The following PLGRKT variants were observed in gnomAD, a reference collection of about 807,000 sequenced individuals.
The protein encoded by PLGRKT is plasminogen receptor with a C-terminal lysine, also known as plasminogen receptor (KT).
A neutral mutation model predicts 18.5 loss-of-function variants in PLGRKT; 22 were observed. That is an observed-to-expected ratio of 1.19 (90% CI 0.85 to 1.70). PLGRKT has a LOEUF of 1.70. PLGRKT is among the 40% of genes most tolerant of loss of function. PLGRKT has a pLI of 0.00. For missense variants in PLGRKT, 235 were observed against 174.4 expected (o/e 1.35, Z -1.96); for synonymous variants, 72 against 52.8 (o/e 1.36, Z -1.58).
At chr9:5,411,191 C>A (rs1247688000) in intron 3 of PLGRKT, among the ~76,000 whole-genome samples, 1 of 151,946 alleles carries the variant, frequency 6.6e-6, no homozygotes, top group Non-Finnish European at 1.5e-5. Flanking sequence ...TGAGATCAGC[C>A]TGGCCAATAT....
rs2131116873 is a variant in PLGRKT, at chr9:5,394,972, G to C, written c.82-33084C>G. The stretch of plus-strand genomic sequence containing the variant: ...AGGGGCCCCCATTCTGCAAGGCTTT[G>C]CAGCAAGGCTACCCAAGCTATCTTG... On this transcript the variant is annotated intron_variant, in intron 3 of 5. Transcript: ENST00000223864. 1.3e-5 allele frequency among the ~76,000 whole-genome samples: 2 copies of C among 151,890 alleles called. 1 individual carries two copies. The highest frequency in any genetic ancestry group is 4.9e-5 in the African/African-American group (2 of 41,222).
At chr9:5,428,653 C>T (rs1818748066) in intron 3 of PLGRKT, among the ~76,000 whole-genome samples, 1 of 152,162 alleles carries the variant, frequency 6.6e-6, no homozygotes, top group African/African-American at 2.4e-5. Flanking sequence ...TACGACCACC[C>T]TTGAAGTACC....
chr9:5,406,131 C>T (rs763318817), intron 3 of PLGRKT, among the ~76,000 whole-genome samples: 21 of 152,050 alleles, frequency 1.4e-4, no homozygotes, highest in East Asian at 7.7e-4. Context: ...AGTATTGAGG[C>T]GAAATAGGAA....
chr9:5,408,127 C>A (rs1057156778), intron 3 of PLGRKT, among the ~76,000 whole-genome samples: 1 of 152,154 alleles, frequency 6.6e-6, no homozygotes, highest in Non-Finnish European at 1.5e-5. Flanking sequence ...GCTATAAAAT[C>A]ATATTATCTT....
chr9:5,369,922 AC>A (rs1476818623), intron 3 of PLGRKT, among the ~76,000 whole-genome samples: 2 of 151,834 alleles, frequency 1.3e-5, no homozygotes, highest in Non-Finnish European at 2.9e-5. Flanking sequence ...GGAACATCAC[AC>A]ACCAGGGCCT....
intron 3 of PLGRKT, among the ~76,000 whole-genome samples, chr9:5,391,306 C>G (rs1369713196): frequency 1.3e-5 from 2 of 151,888 alleles, no homozygotes; most frequent in African/African-American, 2.4e-5. Flanking sequence ...GAAAAGAAAA[C>G]AGCCAACATG....
chr9:5,396,355 G>A (rs1447898636), intron 3 of PLGRKT, among the ~76,000 whole-genome samples: 3 of 150,882 alleles, frequency 2.0e-5, no homozygotes, highest in African/African-American at 4.9e-5. Flanking sequence ...GTGTGATCTC[G>A]GCTCACTGCA....
Position 5,418,479 on chromosome 9 carries a change from C to G in PLGRKT, c.81+13418G>C, listed in dbSNP as rs913944190. 46 of 1,093,258 alleles carry G rather than the reference C, an allele frequency of 4.2e-5. No individual in the cohort carries two copies. The highest frequency in any genetic ancestry group is 4.0e-4 in the Middle Eastern group (2 of 5,024). 67.7% of individuals were successfully genotyped at this position (1,093,258 alleles called of 1,614,324 possible). A position where few individuals can be genotyped will look rare whatever the true frequency, so the allele number is the denominator to read the frequency against. The stretch of plus-strand genomic sequence containing the variant: ...CCACCAAGATGACAGTGCACACCCT[C>G]AACCACATGGAGCTTTTCACCATGC... On this transcript the variant is annotated intron_variant, in intron 3 of 5. Coordinates refer to ENST00000223864, the MANE Select transcript of PLGRKT (RefSeq NM_018465.4). The surrounding 1 kb of genome is among the most constrained non-coding windows in gnomAD (Gnocchi z 4.2).
intron 3 of PLGRKT, among the ~76,000 whole-genome samples, chr9:5,404,730 C>T (rs1455663205): frequency 1.3e-5 from 2 of 152,176 alleles, no homozygotes; most frequent in Non-Finnish European, 2.9e-5. Context: ...GACAAGGATG[C>T]CCTCTCTCAC....
At chr9:5,411,754 C>A (rs1300169466) in intron 3 of PLGRKT, among the ~76,000 whole-genome samples, 1 of 152,204 alleles carries the variant, frequency 6.6e-6, no homozygotes, top group Non-Finnish European at 1.5e-5. Flanking sequence ...TTAAATTTAA[C>A]TTAAAATTTC....
chr9:5,419,022 A>G (rs2131156859), intron 3 of PLGRKT: 1 of 505,352 alleles, frequency 2.0e-6, no homozygotes, highest in East Asian at 4.7e-5. Context: ...AAGGGGAGGG[A>G]GCTGGTCTTC....
intron 3 of PLGRKT, among the ~76,000 whole-genome samples, chr9:5,385,299 C>T (rs989389539): frequency 6.6e-6 from 1 of 151,764 alleles, no homozygotes; most frequent in Non-Finnish European, 1.5e-5. Flanking sequence ...TTCTTGTGGC[C>T]TCTCATCTGC....
chr9:5,383,958 G>A (rs1270851236), intron 3 of PLGRKT, among the ~76,000 whole-genome samples: 7 of 152,202 alleles, frequency 4.6e-5, no homozygotes, highest in African/African-American at 1.4e-4. Flanking sequence ...AGCTTCAGAT[G>A]TGCTGAATTT....
At chr9:5,430,015 T>G (rs1818789583) in intron 3 of PLGRKT, among the ~76,000 whole-genome samples, 1 of 151,934 alleles carries the variant, frequency 6.6e-6, no homozygotes, top group East Asian at 1.9e-4. Context: ...GTAGGCTCCC[T>G]AAGCTCAACG....
chr9:5,428,773 C>A (rs756684089), intron 3 of PLGRKT, among the ~76,000 whole-genome samples: 1 of 152,210 alleles, frequency 6.6e-6, no homozygotes, highest in Non-Finnish European at 1.5e-5. Flanking sequence ...TCACAGCTCA[C>A]TGCAGCCTTG....
chr9:5,359,047 T>C (rs1163280333), intron 5 of PLGRKT, among the ~76,000 whole-genome samples: 1 of 147,944 alleles, frequency 6.8e-6, no homozygotes, highest in East Asian at 2.0e-4. Flanking sequence ...AGTACTCCTC[T>C]TTTAACACAC....
At chr9:5,434,412 C>CAT (rs1818914769) in intron 2 of PLGRKT, among the ~76,000 whole-genome samples, 1 of 144,872 alleles carries the variant, frequency 6.9e-6, no homozygotes. Context: ...GGCCGCCACC[C>CAT]CGTCTGGGAA....
intron 3 of PLGRKT, among the ~76,000 whole-genome samples, chr9:5,405,720 G>T (rs1475085380): frequency 6.6e-6 from 1 of 152,038 alleles, no homozygotes; most frequent in Non-Finnish European, 1.5e-5. Flanking sequence ...TGATGAAATT[G>T]CCAAAGGCAA....
intron 3 of PLGRKT, among the ~76,000 whole-genome samples, chr9:5,368,434 A>T (rs990100501): frequency 6.6e-6 from 1 of 152,206 alleles, no homozygotes; most frequent in Admixed American, 6.5e-5. Flanking sequence ...CTTTGCAGCC[A>T]TATGGATGCA....
Sources: allele counts gnomAD v4.1 joint callset (sites outside exome capture counted in the v4.1 genomes callset), GRCh38; gene constraint gnomAD v4.1.1; non-coding constraint Gnocchi (gnomAD v3.1); transcripts MANE v1.5; gene names NCBI Gene and HGNC (gene_info 2026-07-23, HGNC 2026-07-21).